Variants in RSBN1L observed in about 807,000 individuals in gnomAD.
RSBN1L encodes round spermatid basic protein 1 like, also known as lysine-specific demethylase RSBN1L.
RSBN1L carries 30 observed loss-of-function variants against 67.7 expected under a neutral mutation model. The observed-to-expected ratio is 0.44, with a 90% CI of 0.33 to 0.60. The LOEUF (loss-of-function observed/expected upper bound fraction) is 0.60, where lower values mean the gene tolerates loss of function less well. Among genes scored for constraint, RSBN1L ranks in the 20% least tolerant of loss-of-function variants. RSBN1L has a pLI of 0.02. For synonymous variants in RSBN1L, 433 were observed against 387.0 expected, an observed-to-expected ratio of 1.12 and a Z score of -1.39; for missense variants, 992 against 1,031.7, an observed-to-expected ratio of 0.96 and a Z score of 0.53.
chr7:77,726,803 A>C (rs1791209620), intron 1 of RSBN1L, among the ~76,000 whole-genome samples: 1 of 116,690 alleles, frequency 8.6e-6, no homozygotes, highest in Non-Finnish European at 1.8e-5. Context: ...TTTTTGAGGC[A>C]GAGTCTCGCT....
At chr7:77,734,140 A>C (rs76900690) in intron 1 of RSBN1L, among the ~76,000 whole-genome samples, 3,043 of 152,246 alleles carry the variant, frequency 0.02, 87 homozygotes, top group African/African-American at 0.069. Flanking sequence ...AAAGAAAAAA[A>C]AGTTTATGGT....
intron 6 of RSBN1L, among the ~76,000 whole-genome samples, chr7:77,773,805 A>T (rs1791877522): frequency 6.6e-6 from 1 of 152,206 alleles, no homozygotes; most frequent in Non-Finnish European, 1.5e-5. Context: ...TCTAGGTTTC[A>T]TCATTTGGGT....
chr7:77,753,297 T>C (rs1000013903), intron 3 of RSBN1L, among the ~76,000 whole-genome samples: 1 of 152,206 alleles, frequency 6.6e-6, no homozygotes, highest in Non-Finnish European at 1.5e-5. Context: ...CGGTTAGTAG[T>C]GTCTTTTTCA....
At chr7:77,742,296 C>G (rs1182193012) in intron 2 of RSBN1L, among the ~76,000 whole-genome samples, 1 of 151,298 alleles carries the variant, frequency 6.6e-6, no homozygotes, top group Non-Finnish European at 1.5e-5. Flanking sequence ...AAAAATAGCA[C>G]TTGGTGCAAT....
chr7:77,745,572 A>G (rs1791471771), intron 2 of RSBN1L, among the ~76,000 whole-genome samples: 1 of 152,174 alleles, frequency 6.6e-6, no homozygotes, highest in Non-Finnish European at 1.5e-5. Flanking sequence ...AATTTGAGAA[A>G]TGAGGGAAAG....
chr7:77,711,770 A>G (rs893214739), intron 1 of RSBN1L, among the ~76,000 whole-genome samples: 1 of 152,230 alleles, frequency 6.6e-6, no homozygotes. Context: ...AGAAGTAACC[A>G]TGTTTAAGTA....
intron 1 of RSBN1L, among the ~76,000 whole-genome samples, chr7:77,722,090 T>C (rs969835882): frequency 6.6e-5 from 10 of 152,138 alleles, no homozygotes; most frequent in African/African-American, 2.4e-4. Flanking sequence ...CTGAAAATTT[T>C]TTGTATTTGG....
At chr7:77,716,538 T>C (rs1791051219) in intron 1 of RSBN1L, among the ~76,000 whole-genome samples, 2 of 151,526 alleles carry the variant, frequency 1.3e-5, no homozygotes, top group Admixed American at 1.3e-4. Flanking sequence ...CTAGATATTT[T>C]CATTAAATTT....
At chr7:77,746,152 G>T (rs574368327) in intron 2 of RSBN1L, among the ~76,000 whole-genome samples, 1 of 152,184 alleles carries the variant, frequency 6.6e-6, no homozygotes, top group South Asian at 2.1e-4. Context: ...GTCCATTTTC[G>T]CACTTCTATA....
intron 2 of RSBN1L, among the ~76,000 whole-genome samples, chr7:77,744,245 A>G (rs751624322): frequency 6.6e-6 from 1 of 151,810 alleles, no homozygotes; most frequent in Non-Finnish European, 1.5e-5. Flanking sequence ...CATGTTGCCT[A>G]CACTGGTCTG....
At chr7:77,715,842 A>G (rs1186209577) in intron 1 of RSBN1L, among the ~76,000 whole-genome samples, 1 of 152,160 alleles carries the variant, frequency 6.6e-6, no homozygotes, top group Non-Finnish European at 1.5e-5. Flanking sequence ...TTTAATTTAC[A>G]TTACCCTAAT....
chr7:77,737,138 A>G (rs567356868), intron 2 of RSBN1L, among the ~76,000 whole-genome samples: 2 of 152,306 alleles, frequency 1.3e-5, no homozygotes, highest in East Asian at 3.9e-4. Flanking sequence ...AATCCTGTCA[A>G]TAAGTCTGAA....
At chr7:77,772,507 T>A (rs779754893) in intron 5 of RSBN1L, among the ~76,000 whole-genome samples, 17 of 152,182 alleles carry the variant, frequency 1.1e-4, no homozygotes, top group Admixed American at 8.5e-4. Flanking sequence ...AGGAAAGTGG[T>A]GGAGGAGAGG....
chr7:77,713,421 A>G (rs1251678994), intron 1 of RSBN1L, among the ~76,000 whole-genome samples: 1 of 149,980 alleles, frequency 6.7e-6, no homozygotes, highest in East Asian at 2.0e-4. Context: ...CAGTGGTGTG[A>G]TATCAGCTCA....
intron 2 of RSBN1L, among the ~76,000 whole-genome samples, chr7:77,747,782 A>G (rs1791504154): frequency 6.6e-6 from 1 of 152,144 alleles, no homozygotes; most frequent in Non-Finnish European, 1.5e-5. Context: ...AGTTTTCTGT[A>G]TTAGTCCATT....
chr7:77,745,632 A>G (rs1284209701), intron 2 of RSBN1L, among the ~76,000 whole-genome samples: 2 of 152,178 alleles, frequency 1.3e-5, no homozygotes, highest in Non-Finnish European at 2.9e-5. Flanking sequence ...GTGGTCCCCA[A>G]CCTTATTGGT....
At chr7:77,742,180 A>ATACACACACACACACACACAC (rs60910312) in intron 2 of RSBN1L, among the ~76,000 whole-genome samples, 6 of 82,170 alleles carry the variant, frequency 7.3e-5, no homozygotes, top group African/African-American at 3.7e-4. Flanking sequence ...AAAAAAAAAA[A>ATACACACACACACACACACAC]ATACACACAC....
chr7:77,719,358 C>A (rs772392767), intron 1 of RSBN1L, among the ~76,000 whole-genome samples: 2 of 152,210 alleles, frequency 1.3e-5, no homozygotes, highest in Non-Finnish European at 2.9e-5. Flanking sequence ...CCCATAGTTA[C>A]ATATGCCCAC....
At position 77,764,927 on chromosome 7, in the gene RSBN1L, G is replaced by A. The variant is rs549106955; in HGVS notation, c.1345-568G>A. Reference sequence around the variant, plus strand: ...ATTACAGGTGTGAGCCACTGCGCCCGGCTGTGATTCTTAATTTCTAGTAGT... The same window carrying A: ...ATTACAGGTGTGAGCCACTGCGCCCAGCTGTGATTCTTAATTTCTAGTAGT... On this transcript the variant is annotated intron_variant, in intron 3 of 7. Coordinates refer to ENST00000334955, the MANE Select transcript of RSBN1L (RefSeq NM_198467.3). 3.9e-5 allele frequency among the ~76,000 whole-genome samples: 6 copies of A among 152,168 alleles called. No homozygotes were observed. The East Asian group carries it at 7.7e-4, about 20-fold the overall frequency.
Sources: gnomAD v4.1 joint callset for allele counts (sites outside exome capture counted in the v4.1 genomes callset) on GRCh38, gnomAD v4.1.1 for gene constraint, MANE v1.5 for transcripts, NCBI Gene and HGNC (gene_info 2026-07-23, HGNC 2026-07-21) for gene names.